Variants in KCND2 observed in about 807,000 individuals in gnomAD.
KCND2 encodes A-type voltage-gated potassium channel KCND2.
In KCND2, 16 loss-of-function variants were observed where a neutral mutation model predicts 54.4. The observed-to-expected ratio is 0.29, with a 90% confidence interval of 0.20 to 0.45. The LOEUF is 0.45. Among genes scored for constraint, KCND2 ranks in the 20% least tolerant of loss-of-function variants. The probability of loss-of-function intolerance (pLI) is 1.00; values close to 1 mark genes in which losing one functional copy is unlikely to be tolerated. For synonymous variants in KCND2, 317 were observed against 310.7 expected, an observed-to-expected ratio of 1.02 and a Z score of -0.21; for missense variants, 486 against 824.2, an observed-to-expected ratio of 0.59 and a Z score of 5.02.
At chr7:120,744,396 A>G (rs186661121) in intron 4 of KCND2, among the ~76,000 whole-genome samples, 10 of 152,280 alleles carry the variant, frequency 6.6e-5, no homozygotes, top group African/African-American at 2.2e-4. Flanking sequence ...CTACAAAAGT[A>G]TGTAGTAACT....
intron 1 of KCND2, among the ~76,000 whole-genome samples, chr7:120,481,076 G>T (rs113802508): frequency 0.028 from 4,203 of 152,288 alleles, 89 homozygotes; most frequent in Non-Finnish European, 0.046. Flanking sequence ...CTGGTAGAAC[G>T]CCATACCAAT....
At chr7:120,530,827 A>C (rs1369022688) in intron 1 of KCND2, among the ~76,000 whole-genome samples, 1 of 151,966 alleles carries the variant, frequency 6.6e-6, no homozygotes. Flanking sequence ...ACACTACCGT[A>C]TTATTATTAT....
At chr7:120,333,785 C>T (rs1040963118) in intron 1 of KCND2, among the ~76,000 whole-genome samples, 1 of 152,092 alleles carries the variant, frequency 6.6e-6, no homozygotes, top group Non-Finnish European at 1.5e-5. Context: ...TATCTATTAG[C>T]ATTCATCAAA....
chr7:120,742,270 A>G (rs1354572631), intron 3 of KCND2: 1 of 489,008 alleles, frequency 2.0e-6, no homozygotes, highest in Non-Finnish European at 3.7e-6. Flanking sequence ...TTGAATGAGT[A>G]AAAGAGATTT....
At chr7:120,558,620 C>T (rs1056546208) in intron 1 of KCND2, among the ~76,000 whole-genome samples, 1 of 152,110 alleles carries the variant, frequency 6.6e-6, no homozygotes, top group Non-Finnish European at 1.5e-5. Flanking sequence ...TTGAATGATT[C>T]TTTCATTGAA....
chr7:120,297,293 A>G (rs138783630), intron 1 of KCND2, among the ~76,000 whole-genome samples: 33 of 152,220 alleles, frequency 2.2e-4, no homozygotes, highest in Non-Finnish European at 2.6e-4. Flanking sequence ...TCCCACATAT[A>G]AGTGAGAACA....
At chr7:120,539,404 A>T (rs561842558) in intron 1 of KCND2, among the ~76,000 whole-genome samples, 1 of 152,310 alleles carries the variant, frequency 6.6e-6, no homozygotes, top group African/African-American at 2.4e-5. Context: ...TCTTGCAAGG[A>T]TATCAATGTC....
intron 1 of KCND2, among the ~76,000 whole-genome samples, chr7:120,281,526 C>A (rs902713780): frequency 1.3e-5 from 2 of 152,132 alleles, no homozygotes; most frequent in Non-Finnish European, 2.9e-5. Flanking sequence ...TGAGAGGCAG[C>A]CTTTACGTTG....
intron 2 of KCND2, chr7:120,740,822 G>A (rs935641985): frequency 2.2e-6 from 1 of 455,594 alleles, no homozygotes; most frequent in Non-Finnish European, 4.4e-6. Context: ...GCCAGTTCAA[G>A]AGTGAAATAC....
At chr7:120,493,348 A>G (rs928125550) in intron 1 of KCND2, among the ~76,000 whole-genome samples, 7 of 151,966 alleles carry the variant, frequency 4.6e-5, no homozygotes, top group Admixed American at 3.9e-4. Context: ...GGTAAAAGGA[A>G]CATGCTAATA....
intron 1 of KCND2, among the ~76,000 whole-genome samples, chr7:120,569,307 T>C (rs943320006): frequency 5.9e-5 from 9 of 152,134 alleles, no homozygotes; most frequent in Admixed American, 5.2e-4. Context: ...CACTGGAGTA[T>C]TACTAACAAT....
intron 1 of KCND2, among the ~76,000 whole-genome samples, chr7:120,328,631 C>T (rs1342021147): frequency 6.6e-6 from 1 of 152,006 alleles, no homozygotes; most frequent in African/African-American, 2.4e-5. Flanking sequence ...TGTATATTAA[C>T]ACCAAAGAAA....
chr7:120,529,871 G>A (rs939579156), intron 1 of KCND2, among the ~76,000 whole-genome samples: 7 of 152,024 alleles, frequency 4.6e-5, no homozygotes, highest in East Asian at 3.9e-4. Flanking sequence ...TCACTTGAGC[G>A]CGGAGCTCAA....
At chr7:120,435,480 AT>A (rs113452447) in intron 1 of KCND2, among the ~76,000 whole-genome samples, 6 of 150,682 alleles carry the variant, frequency 4.0e-5, no homozygotes, top group Middle Eastern at 3.4e-3. Context: ...TTAGAAAGCC[AT>A]TTTTTTTTAA....
chr7:120,474,552 C>T (rs192875029), intron 1 of KCND2, among the ~76,000 whole-genome samples: 168 of 150,052 alleles, frequency 1.1e-3, no homozygotes, highest in African/African-American at 3.7e-3. Context: ...TTGGTAGAGA[C>T]GGTGTTTCAC....
chr7:120,550,758 T>A (rs906359545), intron 1 of KCND2, among the ~76,000 whole-genome samples: 11 of 152,148 alleles, frequency 7.2e-5, no homozygotes, highest in African/African-American at 2.7e-4. Flanking sequence ...GTGGATCCTA[T>A]CAGTTTGAGA....
chr7:120,459,491 A>G (rs10953917), intron 1 of KCND2, among the ~76,000 whole-genome samples: 41,095 of 151,958 alleles, frequency 0.27, 7,964 homozygotes, highest in East Asian at 0.56. Context: ...TTTTTCCATA[A>G]CATTATCACT....
intron 1 of KCND2, among the ~76,000 whole-genome samples, chr7:120,386,087 A>G (rs558972156): frequency 3.6e-4 from 55 of 152,244 alleles, no homozygotes; most frequent in South Asian, 2.1e-3. Flanking sequence ...AGGATGATAC[A>G]GCCATTGAAA....
chr7:120,394,974 C>G (rs1801132605), intron 1 of KCND2, among the ~76,000 whole-genome samples: 1 of 152,032 alleles, frequency 6.6e-6, no homozygotes, highest in South Asian at 2.1e-4. Flanking sequence ...ACATGCTACT[C>G]TATACCACTC....
Sources: gnomAD v4.1 joint callset for allele counts (sites outside exome capture counted in the v4.1 genomes callset) on GRCh38, gnomAD v4.1.1 for gene constraint, MANE v1.5 for transcripts, NCBI Gene and HGNC (gene_info 2026-07-23, HGNC 2026-07-21) for gene names.